Variants in DCBLD2 observed in about 807,000 individuals in gnomAD.
DCBLD2 encodes the protein discoidin, CUB and LCCL domain-containing protein 2.
DCBLD2 carries 54 observed loss-of-function variants against 86.8 expected under a neutral mutation model. That is an observed-to-expected ratio of 0.62 (90% CI 0.50 to 0.78). The LOEUF (loss-of-function observed/expected upper bound fraction) is 0.78. DCBLD2 is among the 30% of genes least tolerant of loss of function. The pLI is 0.00. For missense variants in DCBLD2, 908 were observed against 954.2 expected (o/e 0.95, Z 0.64); for synonymous variants, 354 against 341.3 (o/e 1.04, Z -0.41).
chr3:98,821,067 G>A (rs1942112694), intron 6 of DCBLD2: 1 of 151,220 alleles, frequency 6.6e-6, no homozygotes, highest in South Asian at 2.1e-4. Context: ...TGTTTTGTAT[G>A]GGCCGTGAGT....
At chr3:98,897,918 A>G (rs764843582) in intron 1 of DCBLD2, among the ~76,000 whole-genome samples, 1 of 152,272 alleles carries the variant, frequency 6.6e-6, no homozygotes, top group Non-Finnish European at 1.5e-5. Context: ...AATGGAAACC[A>G]GAGACCTAAA....
intron 2 of DCBLD2, among the ~76,000 whole-genome samples, chr3:98,864,336 C>T (rs1346295032): frequency 1.3e-5 from 2 of 152,180 alleles, no homozygotes; most frequent in Non-Finnish European, 2.9e-5. Flanking sequence ...CCATTTGATC[C>T]AGCCATCCCA....
At chr3:98,892,427 C>T (rs1943678959) in intron 1 of DCBLD2, among the ~76,000 whole-genome samples, 1 of 152,082 alleles carries the variant, frequency 6.6e-6, no homozygotes, top group Admixed American at 6.5e-5. Flanking sequence ...TGACCTCATG[C>T]CCCCTGGTTA....
intron 12 of DCBLD2, among the ~76,000 whole-genome samples, 199 bp downstream of exon 12, chr3:98,810,995 G>A (rs1186837733): frequency 1.3e-5 from 2 of 152,058 alleles, no homozygotes; most frequent in South Asian, 4.1e-4. Flanking sequence ...TATTTAAAGA[G>A]CAATTCTACA....
chr3:98,822,088 G>T (rs777263742), intron 6 of DCBLD2, 140 bp downstream of exon 6: 2 of 1,030,096 alleles, frequency 1.9e-6, no homozygotes, highest in Non-Finnish European at 1.5e-6. Context: ...GCACACTAAT[G>T]TGAGTGCTTA....
chr3:98,840,808 C>T (rs1198231873), intron 3 of DCBLD2, among the ~76,000 whole-genome samples: 2 of 152,214 alleles, frequency 1.3e-5, no homozygotes, highest in Non-Finnish European at 2.9e-5. Context: ...ACGTTTTAAA[C>T]TGACAGCCTC....
chr3:98,863,842 C>A (rs2107502378), intron 2 of DCBLD2, among the ~76,000 whole-genome samples: 1 of 152,214 alleles, frequency 6.6e-6, no homozygotes, highest in South Asian at 2.1e-4. Context: ...GCAACAAAAG[C>A]CAAAATTGAC....
At chr3:98,859,857 G>C (rs149869638) in intron 2 of DCBLD2, among the ~76,000 whole-genome samples, 17 of 152,350 alleles carry the variant, frequency 1.1e-4, no homozygotes, top group African/African-American at 3.8e-4. Context: ...GCCAGCAACG[G>C]AACAAAGCTG....
chr3:98,855,282 A>G (rs1942910893), intron 2 of DCBLD2, among the ~76,000 whole-genome samples: 1 of 152,234 alleles, frequency 6.6e-6, no homozygotes, highest in Non-Finnish European at 1.5e-5. Flanking sequence ...CAAACTATGT[A>G]TAACATGCCA....
At chr3:98,825,614 C>A (rs1942200916) in intron 3 of DCBLD2, among the ~76,000 whole-genome samples, 1 of 133,374 alleles carries the variant, frequency 7.5e-6, no homozygotes. Context: ...AGTCACATAC[C>A]ATATACACAC....
chr3:98,889,988 C>T (rs1246889369), intron 1 of DCBLD2, among the ~76,000 whole-genome samples: 1 of 151,986 alleles, frequency 6.6e-6, no homozygotes, highest in Non-Finnish European at 1.5e-5. Flanking sequence ...CTTTTTCTCA[C>T]TTTTTCCTTC....
intron 3 of DCBLD2, among the ~76,000 whole-genome samples, chr3:98,835,572 A>C (rs1942423653): frequency 6.9e-6 from 1 of 145,866 alleles, no homozygotes; most frequent in African/African-American, 2.5e-5. Context: ...TTTTTGAGAC[A>C]GAGTTTCTTT....
At chr3:98,825,463 T>TGTATA in intron 3 of DCBLD2, 97 bp from the exon 4 acceptor site, 1 of 935,058 alleles carries the variant, frequency 1.1e-6, no homozygotes, top group Non-Finnish European at 1.6e-6. Flanking sequence ...ACTACTCTAA[T>TGTATA]TTTCAAAAAT....
intron 13 of DCBLD2, 94 bp from the exon 14 acceptor site, chr3:98,801,743 C>A (rs1559766756): frequency 9.4e-6 from 8 of 849,140 alleles, no homozygotes; most frequent in Non-Finnish European, 1.5e-5. Context: ...ATGTGATATT[C>A]CCCTTCCTGT....
chr3:98,828,825 G>C (rs1362724871), intron 3 of DCBLD2, among the ~76,000 whole-genome samples: 1 of 152,012 alleles, frequency 6.6e-6, no homozygotes, highest in African/African-American at 2.4e-5. Context: ...AATATTATTT[G>C]GCCATAAAAA....
chr3:98,821,329 TAAAA>T (rs1161844791), intron 6 of DCBLD2: 1 of 152,224 alleles, frequency 6.6e-6, no homozygotes, highest in Non-Finnish European at 1.5e-5. Flanking sequence ...ACAAGATTTA[TAAAA>T]ACAGATTGCT....
chr3:98,891,047 T>C (rs952871407), intron 1 of DCBLD2, among the ~76,000 whole-genome samples: 1 of 152,046 alleles, frequency 6.6e-6, no homozygotes, highest in African/African-American at 2.4e-5. Flanking sequence ...ACAAGACCCC[T>C]GTCCTTACAG....
At chr3:98,833,204 C>G (rs2107460893) in intron 3 of DCBLD2, among the ~76,000 whole-genome samples, 1 of 152,226 alleles carries the variant, frequency 6.6e-6, no homozygotes, top group Non-Finnish European at 1.5e-5. Flanking sequence ...AGATTCTTTC[C>G]TCAGCGTGGT....
chr3:98,844,063 C>CACACACACA (rs71124005), intron 3 of DCBLD2, among the ~76,000 whole-genome samples: 7 of 142,894 alleles, frequency 4.9e-5, no homozygotes, highest in Non-Finnish European at 9.1e-5. Context: ...CACACACACA[C>CACACACACA]CCCAATTATG....
Sources: gnomAD v4.1 joint callset for allele counts (sites outside exome capture counted in the v4.1 genomes callset) on GRCh38, gnomAD v4.1.1 for gene constraint, MANE v1.5 for transcripts, NCBI Gene and HGNC (gene_info 2026-07-23, HGNC 2026-07-21) for gene names.